Variants in METAP1D observed in about 807,000 individuals in gnomAD.
METAP1D encodes methionine aminopeptidase 1D, mitochondrial.
METAP1D carries 31 observed loss-of-function variants against 40.5 expected under a neutral mutation model. That is an observed-to-expected ratio of 0.77 (90% confidence interval 0.58 to 1.03). The LOEUF (loss-of-function observed/expected upper bound fraction) is 1.03. Ranked by LOEUF, METAP1D falls within the 50% of genes least tolerant of loss-of-function variation. METAP1D has a pLI of 0.00. For synonymous variants in METAP1D, 151 were observed against 146.4 expected, an observed-to-expected ratio of 1.03 and a Z score of -0.22; for missense variants, 411 against 420.7, an observed-to-expected ratio of 0.98 and a Z score of 0.20.
intron 1 of METAP1D, among the ~76,000 whole-genome samples, chr2:172,036,250 G>A (rs1411913813): frequency 2.0e-5 from 3 of 149,390 alleles, no homozygotes; most frequent in Admixed American, 6.7e-5. Flanking sequence ...CCGGGAGGCG[G>A]AGCTTGCAGA....
At chr2:172,064,010 T>G (rs1439809946) in intron 3 of METAP1D, 150 bp downstream of exon 3, 1 of 1,024,924 alleles carries the variant, frequency 9.8e-7, no homozygotes, top group Admixed American at 3.9e-5. Flanking sequence ...AAAAATTAAG[T>G]AAAGCCTTGG....
At chr2:172,025,756 G>T (rs1451486799) in intron 1 of METAP1D, among the ~76,000 whole-genome samples, 1 of 152,062 alleles carries the variant, frequency 6.6e-6, no homozygotes, top group African/African-American at 2.4e-5. Context: ...GCCCAGGCTG[G>T]AGTGCAGTGA....
intron 1 of METAP1D, among the ~76,000 whole-genome samples, chr2:172,036,935 C>G (rs1327175058): frequency 2.0e-5 from 3 of 152,146 alleles, no homozygotes; most frequent in African/African-American, 7.2e-5. Flanking sequence ...TTACTGTTGT[C>G]TATTACTTAC....
chr2:172,005,470 A>G (rs1243960245), intron 1 of METAP1D, among the ~76,000 whole-genome samples: 1 of 145,710 alleles, frequency 6.9e-6, no homozygotes, highest in Non-Finnish European at 1.5e-5. Flanking sequence ...TACAAAAGAC[A>G]TTATTTTGTT....
chr2:172,070,970 T>C lies in METAP1D; in HGVS notation c.604T>C (p.Cys202Arg), dbSNP rs940433921. The change falls in exon 6 of 10, where the codon TGT (cysteine) becomes CGT (arginine). Residue 202 changes from cysteine to arginine, a missense_variant. By Grantham distance (180) the Cys-to-Arg change is radical (BLOSUM62 -3). Transcript: ENST00000315796. The stretch of plus-strand genomic sequence containing the variant: ...ATTTTTGGTGGGCAATGTGGACGAA[T>C]GTGGTAAAAAGTTAGTGGAGGTTGC... ...ETFLVGNVDECGKKLVEVARR... is the reference protein window; with the variant it reads ...ETFLVGNVDERGKKLVEVARR... 7.4e-6 allele frequency: 12 copies of C among 1,613,306 alleles called. No homozygotes were observed. Among genetic ancestry groups the C allele is most frequent in the Non-Finnish European group, 1.0e-5 (12 of 1,179,442 alleles).
chr2:172,043,018 CACATATATGTGTATATGT>C lies in METAP1D; in HGVS notation c.41-18479_41-18462del, dbSNP rs1689647244. Among the ~76,000 whole-genome samples, 8 of 77,304 alleles carry C rather than the reference CACATATATGTGTATATGT, an allele frequency of 1.0e-4. 2 individuals carry two copies. In the South Asian group the frequency reaches 1.5e-3, roughly 14 times the overall value. 50.7% of individuals were successfully genotyped at this position (77,304 alleles called of 152,430 possible). On this transcript the variant is annotated intron_variant, in intron 1 of 9. Transcript: ENST00000315796. ...GTGTACACATATATGTGTATGTGTA[CACATATATGTGTATATGT>C]GTACACGTGTACACATATATGTGTA...
intron 1 of METAP1D, among the ~76,000 whole-genome samples, chr2:172,032,585 G>C (rs1462306577): frequency 6.6e-6 from 1 of 152,192 alleles, no homozygotes. Flanking sequence ...TTTGATGAAA[G>C]AAAGTTTCTC....
chr2:172,029,048 G>C (rs1689183280), intron 1 of METAP1D, among the ~76,000 whole-genome samples: 1 of 152,178 alleles, frequency 6.6e-6, no homozygotes, highest in Admixed American at 6.5e-5. Flanking sequence ...CAAACCCAAA[G>C]ATACTGAGAC....
intron 1 of METAP1D, among the ~76,000 whole-genome samples, chr2:172,014,882 G>A (rs1050441017): frequency 2.0e-5 from 3 of 151,712 alleles, no homozygotes; most frequent in African/African-American, 4.8e-5. Flanking sequence ...TCGAACTCCT[G>A]ACCTTGTAAT....
intron 1 of METAP1D, among the ~76,000 whole-genome samples, chr2:172,005,001 C>T (rs541890632): frequency 6.6e-6 from 1 of 151,936 alleles, no homozygotes; most frequent in Admixed American, 6.6e-5. Context: ...CAGGTCACTA[C>T]AGCCTCAACT....
intron 1 of METAP1D, among the ~76,000 whole-genome samples, chr2:172,037,691 G>C (rs1689427371): frequency 6.6e-6 from 1 of 152,204 alleles, no homozygotes; most frequent in South Asian, 2.1e-4. Context: ...CAACAGTTGA[G>C]CTTCACTGGT....
chr2:172,012,841 G>A (rs1384556665), intron 1 of METAP1D, among the ~76,000 whole-genome samples: 1 of 151,838 alleles, frequency 6.6e-6, no homozygotes, highest in Non-Finnish European at 1.5e-5. Flanking sequence ...ATTCCTTCCC[G>A]GTACAAATTC....
intron 1 of METAP1D, among the ~76,000 whole-genome samples, chr2:172,022,643 T>C (rs1689032785): frequency 6.6e-6 from 1 of 152,198 alleles, no homozygotes; most frequent in Non-Finnish European, 1.5e-5. Flanking sequence ...GGAATCATAA[T>C]AAAAATGTAA....
In METAP1D at chr2:172,065,770, A is replaced by G. The variant is rs764072506; in HGVS notation, c.497+18A>G. ...CCTGACAGGTATTCAGTTCTTAATA[A>G]CATATTGTTCCTTTGGAAACTAAAA... On this transcript the variant is annotated intron_variant, in intron 4 of 9. Transcript: ENST00000315796. 3.7e-6 allele frequency: 6 copies of G among 1,610,138 alleles called. No individual in the cohort carries two copies. The Admixed American group carries it at 1.0e-4, about 27-fold the overall frequency.
chr2:172,056,838 G>C (rs957397314), intron 1 of METAP1D, among the ~76,000 whole-genome samples: 1 of 152,218 alleles, frequency 6.6e-6, no homozygotes, highest in Non-Finnish European at 1.5e-5. Flanking sequence ...ACTCACACCT[G>C]TTTGACCTCC....
chr2:172,065,734 G>C lies in METAP1D; in HGVS notation c.479G>C (p.Cys160Ser). Reference protein sequence around the residue: ...SVCTSVNNVLCHGIPDSRPLQ... With the variant: ...SVCTSVNNVLSHGIPDSRPLQ... ...TGTACCTCTGTAAACAACGTGCTCTGTCATGGTATTCCTGACAGGTATTCA... is the reference window on the plus strand; with the variant it reads ...TGTACCTCTGTAAACAACGTGCTCTCTCATGGTATTCCTGACAGGTATTCA... Residue 160 changes from cysteine (C) to serine (S), a missense_variant, in exon 4 of 10, where the codon TGT becomes TCT. Physicochemically the swap from Cys to Ser is moderately radical, Grantham distance 112. Coordinates refer to ENST00000315796, the MANE Select transcript of METAP1D (RefSeq NM_199227.3). 1 of 1,613,774 alleles carries C rather than the reference G, an allele frequency of 6.2e-7. No individual in the cohort carries two copies. The highest frequency in any genetic ancestry group is 8.5e-7 in the Non-Finnish European group (1 of 1,179,868).
At chr2:172,052,347 A>G (rs946981713) in intron 1 of METAP1D, among the ~76,000 whole-genome samples, 1 of 152,174 alleles carries the variant, frequency 6.6e-6, no homozygotes, top group Non-Finnish European at 1.5e-5. Flanking sequence ...GTCCATATCC[A>G]CGATTTCCTG....
At chr2:172,058,558 T>A (rs1259271374) in intron 1 of METAP1D, among the ~76,000 whole-genome samples, 4 of 143,914 alleles carry the variant, frequency 2.8e-5, no homozygotes, top group African/African-American at 5.0e-5. Flanking sequence ...TTTTTTTTTT[T>A]TAGAGAGACA....
At chr2:172,039,748 AC>A (rs1307456053) in intron 1 of METAP1D, among the ~76,000 whole-genome samples, 1 of 148,968 alleles carries the variant, frequency 6.7e-6, no homozygotes, top group East Asian at 2.0e-4. Flanking sequence ...GCTCACTGCA[AC>A]CTCCGCCTCC....
Sources: gnomAD v4.1 joint callset for allele counts (sites outside exome capture counted in the v4.1 genomes callset) on GRCh38, gnomAD v4.1.1 for gene constraint, MANE v1.5 for transcripts, NCBI Gene and HGNC (gene_info 2026-07-23, HGNC 2026-07-21) for gene names.